Variants in CLSTN2 observed in about 807,000 individuals in gnomAD.
CLSTN2 encodes the protein calsyntenin 2.
A neutral mutation model predicts 101.2 loss-of-function variants in CLSTN2; 48 were observed. That is an observed-to-expected ratio of 0.47 (90% CI 0.38 to 0.60). The LOEUF is 0.60. Ranked by LOEUF, CLSTN2 falls within the 20% of genes least tolerant of loss-of-function variation. The pLI, the probability that CLSTN2 is intolerant of heterozygous loss-of-function variation, is 0.00. For missense variants in CLSTN2, 1,160 were observed against 1,238.2 expected (o/e 0.94, Z 0.95); for synonymous variants, 481 against 463.6 (o/e 1.04, Z -0.48).
chr3:140,012,694 C>T lies in CLSTN2; in HGVS notation c.109+77211C>T, dbSNP rs551548916. Among the ~76,000 whole-genome samples, 11 of 152,252 alleles carry T rather than the reference C, an allele frequency of 7.2e-5. No homozygotes were observed. The East Asian group carries it at 1.9e-3, about 27-fold the overall frequency. On this transcript the variant is annotated intron_variant, in intron 1 of 16. Transcript: ENST00000458420. ...GAGTCATTAGGTTTTGCAGCCTCCA[C>T]AGTGAGGCAGGCAAATAGGAAGGGT...
chr3:140,043,870 T>C (rs905433437), intron 1 of CLSTN2, among the ~76,000 whole-genome samples: 2 of 152,188 alleles, frequency 1.3e-5, no homozygotes, highest in African/African-American at 4.8e-5. Flanking sequence ...CTCTGTTCTG[T>C]TCCATTGGTC....
At chr3:140,263,610 T>C (rs2086671813) in intron 2 of CLSTN2, among the ~76,000 whole-genome samples, 1 of 152,208 alleles carries the variant, frequency 6.6e-6, no homozygotes, top group African/African-American at 2.4e-5. Flanking sequence ...ATATTATTTG[T>C]ACTACAGAGT....
At chr3:140,213,819 G>A (rs1056646434) in intron 2 of CLSTN2, among the ~76,000 whole-genome samples, 3 of 152,130 alleles carry the variant, frequency 2.0e-5, no homozygotes, top group South Asian at 2.1e-4. Flanking sequence ...ATTGGGGCTC[G>A]AATCCAGCCC....
In CLSTN2 at chr3:140,517,790, G is replaced by T. The variant is rs987339085; in HGVS notation, c.1345-14534G>T. 2.6e-5 allele frequency among the ~76,000 whole-genome samples: 4 copies of T among 152,120 alleles called. 1 individual carries two copies. Among genetic ancestry groups the T allele is most frequent in the African/African-American group, 9.7e-5 (4 of 41,422 alleles). ...TTGTTTATTGTACTAATTTTGTGTT[G>T]GTTGACTTCTAGCCCAGAGGTGGTG... On this transcript the variant is annotated intron_variant, in intron 8 of 16. Transcript: ENST00000458420.
intron 2 of CLSTN2, among the ~76,000 whole-genome samples, chr3:140,263,769 A>T (rs2086672862): frequency 6.6e-6 from 1 of 150,608 alleles, no homozygotes; most frequent in African/African-American, 2.4e-5. Flanking sequence ...ACAAAAAAAT[A>T]TTCATATTAA....
At chr3:140,325,417 G>A (rs527558209) in intron 2 of CLSTN2, among the ~76,000 whole-genome samples, 4 of 152,292 alleles carry the variant, frequency 2.6e-5, no homozygotes, top group Non-Finnish European at 5.9e-5. Context: ...ACCTCACCAT[G>A]GATAGGTTGC....
intron 2 of CLSTN2, among the ~76,000 whole-genome samples, chr3:140,378,180 C>A (rs1392904154): frequency 6.6e-6 from 1 of 152,162 alleles, no homozygotes; most frequent in African/African-American, 2.4e-5. Flanking sequence ...ATTTGCTCAA[C>A]AATGAAATTT....
chr3:140,039,216 T>G (rs1451983952), intron 1 of CLSTN2, among the ~76,000 whole-genome samples: 1 of 152,234 alleles, frequency 6.6e-6, no homozygotes, highest in Non-Finnish European at 1.5e-5. Context: ...CACACTCACA[T>G]TTGAATCTCT....
intron 1 of CLSTN2, among the ~76,000 whole-genome samples, chr3:140,094,638 A>C (rs931347346): frequency 6.6e-6 from 1 of 152,246 alleles, no homozygotes; most frequent in African/African-American, 2.4e-5. Flanking sequence ...ATGTAACATC[A>C]TAAGTGCCTA....
intron 8 of CLSTN2, among the ~76,000 whole-genome samples, chr3:140,504,070 C>T (rs1934636202): frequency 6.6e-6 from 1 of 152,184 alleles, no homozygotes; most frequent in Non-Finnish European, 1.5e-5. Context: ...TCAGTCTGAG[C>T]ACCTCATCCA....
chr3:139,974,829 G>C (rs1259548553), intron 1 of CLSTN2, among the ~76,000 whole-genome samples: 1 of 152,240 alleles, frequency 6.6e-6, no homozygotes, highest in East Asian at 1.9e-4. Context: ...AATCAGGCCT[G>C]AGGGTTGTTG....
intron 12 of CLSTN2, among the ~76,000 whole-genome samples, chr3:140,561,768 C>A (rs1935920160): frequency 6.6e-6 from 1 of 152,180 alleles, no homozygotes; most frequent in African/African-American, 2.4e-5. Context: ...TGAGCACCTA[C>A]AATGTGCACT....
At chr3:140,221,306 G>A (rs1373618706) in intron 2 of CLSTN2, among the ~76,000 whole-genome samples, 1 of 152,122 alleles carries the variant, frequency 6.6e-6, no homozygotes, top group African/African-American at 2.4e-5. Context: ...ATGTGAACGT[G>A]TCTATGTTTA....
intron 5 of CLSTN2, among the ~76,000 whole-genome samples, chr3:140,425,253 C>T (rs116542759): frequency 1.1e-3 from 168 of 152,330 alleles, no homozygotes; most frequent in African/African-American, 3.9e-3. Context: ...GAGCACGGAA[C>T]CCTGCCCCAC....
At chr3:140,243,973 C>T (rs764188941) in intron 2 of CLSTN2, among the ~76,000 whole-genome samples, 2 of 152,192 alleles carry the variant, frequency 1.3e-5, no homozygotes, top group African/African-American at 2.4e-5. Flanking sequence ...GCAACCAAGA[C>T]CTATAGCCAC....
At chr3:140,111,356 A>G (rs2107794782) in intron 1 of CLSTN2, among the ~76,000 whole-genome samples, 1 of 152,204 alleles carries the variant, frequency 6.6e-6, no homozygotes, top group Non-Finnish European at 1.5e-5. Flanking sequence ...AGACTTAGTG[A>G]GGGTCTTCAT....
chr3:140,245,391 C>T (rs2086507197), intron 2 of CLSTN2, among the ~76,000 whole-genome samples: 1 of 147,900 alleles, frequency 6.8e-6, no homozygotes, highest in Non-Finnish European at 1.5e-5. Context: ...AGACCAAGCA[C>T]CATCCCCAAG....
Position 140,482,795 on chromosome 3 carries a change from T to A in CLSTN2, c.1344+16064T>A, listed in dbSNP as rs368316182. Among the ~76,000 whole-genome samples the A allele has an allele frequency of 9.8e-5, 15 of 152,344 alleles. No individual in the cohort carries two copies. In the East Asian group the frequency reaches 2.9e-3, roughly 29 times the overall value. On this transcript the variant is annotated intron_variant, in intron 8 of 16. Coordinates refer to ENST00000458420, the MANE Select transcript of CLSTN2 (RefSeq NM_022131.3). ...TGTGGGATCTGTGGTGATATCCCCT[T>A]TATCATTTTTCATTGCGTCTATTTG...
chr3:140,124,366 TG>T (rs1479863437), intron 1 of CLSTN2, among the ~76,000 whole-genome samples: 13 of 152,150 alleles, frequency 8.5e-5, no homozygotes, highest in Non-Finnish European at 1.9e-4. Flanking sequence ...GCAGAGGGGC[TG>T]AGCTACAGTG....
Sources: allele counts gnomAD v4.1 joint callset (sites outside exome capture counted in the v4.1 genomes callset), GRCh38; gene constraint gnomAD v4.1.1; transcripts MANE v1.5; gene names NCBI Gene and HGNC (gene_info 2026-07-23, HGNC 2026-07-21).